The following NOVA1 variants were observed in gnomAD, a reference collection of about 807,000 sequenced individuals.
NOVA1 encodes the protein NOVA alternative splicing regulator 1, also known as RNA-binding protein Nova-1.
Under a neutral mutation model 38.0 loss-of-function variants are expected in NOVA1, and 7 were observed. The observed-to-expected ratio is 0.18, with a 90% CI of 0.10 to 0.35. NOVA1 has a LOEUF of 0.35. NOVA1 is among the 10% of genes least tolerant of loss of function. NOVA1 has a pLI of 1.00. For synonymous variants in NOVA1, 270 were observed against 232.5 expected (o/e 1.16, Z -1.47); for missense variants, 460 against 616.0 (o/e 0.75, Z 2.68).
At chr14:26,496,047 T>C (rs1442484208) in intron 2 of NOVA1, among the ~76,000 whole-genome samples, 3 of 143,452 alleles carry the variant, frequency 2.1e-5, no homozygotes, top group Admixed American at 7.3e-5. Context: ...GTATTTCTAG[T>C]TCTAGATCCC....
chr14:26,517,848 T>C (rs2138488174), intron 2 of NOVA1, among the ~76,000 whole-genome samples: 1 of 152,250 alleles, frequency 6.6e-6, no homozygotes, highest in South Asian at 2.1e-4. Flanking sequence ...TTACAAACTA[T>C]CAGTTTCCTC....
At chr14:26,552,682 A>C (rs529185347) in intron 2 of NOVA1, among the ~76,000 whole-genome samples, 1 of 152,314 alleles carries the variant, frequency 6.6e-6, no homozygotes, top group African/African-American at 2.4e-5. Context: ...CTTGAGAATC[A>C]TGTTAATGTA....
At chr14:26,460,501 G>C (rs1176413298) in intron 4 of NOVA1, among the ~76,000 whole-genome samples, 2 of 151,696 alleles carry the variant, frequency 1.3e-5, no homozygotes, top group Admixed American at 1.3e-4. Flanking sequence ...GTAATAAAAA[G>C]GAACGTTTTC....
chr14:26,534,018 T>C (rs908894075), intron 2 of NOVA1, among the ~76,000 whole-genome samples: 7 of 152,194 alleles, frequency 4.6e-5, no homozygotes, highest in Non-Finnish European at 1.5e-5. Flanking sequence ...AAGTATTCAA[T>C]ACTGAATATA....
At chr14:26,591,816 T>G (rs950460865) in intron 2 of NOVA1, among the ~76,000 whole-genome samples, 1 of 151,516 alleles carries the variant, frequency 6.6e-6, no homozygotes, top group Non-Finnish European at 1.5e-5. Flanking sequence ...TGGTTTGTGT[T>G]TTTTTTAAAA....
chr14:26,498,122 C>G (rs1288283584), intron 2 of NOVA1, among the ~76,000 whole-genome samples: 2 of 152,166 alleles, frequency 1.3e-5, no homozygotes, highest in South Asian at 2.1e-4. Flanking sequence ...TGTAGTGGTG[C>G]GATCTCAGCT....
rs937197033 is a variant in NOVA1 at position 26,445,334 on chromosome 14, G to A, written c.*2625C>T. 3 of 152,142 alleles carry A rather than the reference G, an allele frequency of 2.0e-5. No homozygotes were observed. Among genetic ancestry groups the A allele is most frequent in the Non-Finnish European group, 4.4e-5 (3 of 68,000 alleles). The allele number at this position is 152,142 out of a possible 1,614,324, so 9.4% of individuals were successfully genotyped here. A position where few individuals can be genotyped will look rare whatever the true frequency, so the allele number is the denominator to read the frequency against. On this transcript the variant is annotated 3_prime_UTR_variant, in exon 5 of 5. Transcript: ENST00000539517. ...TTCTACATGGTCTATAAATTTCAGA[G>A]AATAAATTTTTAAACAGCATGAAGC...
intron 4 of NOVA1, chr14:26,470,218 C>A: frequency 9.5e-7 from 1 of 1,053,302 alleles, no homozygotes; most frequent in East Asian, 3.6e-5. Flanking sequence ...AACCTATTTT[C>A]TTATCTTGGT....
rs948732484 is a variant in NOVA1 at position 26,447,608 on chromosome 14, G to A, written c.*351C>T. 14 of 250,278 alleles carry A rather than the reference G, an allele frequency of 5.6e-5. No homozygotes were observed. Among genetic ancestry groups the A allele is most frequent in the African/African-American group, 3.1e-4 (14 of 44,848 alleles). The allele number at this position is 250,278 out of a possible 1,614,324, so 15.5% of individuals were successfully genotyped here. A position where few individuals can be genotyped will look rare whatever the true frequency, so the allele number is the denominator to read the frequency against. On this transcript the variant is annotated 3_prime_UTR_variant, in exon 5 of 5. Coordinates refer to ENST00000539517, the MANE Select transcript of NOVA1 (RefSeq NM_002515.3). ...ACTCAACCTAACAGTAGTTAATTTA[G>A]TGTTATCTAGAACTAATACTGAAAA...
At chr14:26,596,658 C>T in intron 1 of NOVA1, 1 of 1,289,058 alleles carries the variant, frequency 7.8e-7, no homozygotes, top group South Asian at 1.2e-5. Flanking sequence ...ACTCATCTTC[C>T]AAGGAAGCGC....
intron 2 of NOVA1, among the ~76,000 whole-genome samples, chr14:26,525,780 C>T (rs1336285948): frequency 1.3e-5 from 2 of 152,052 alleles, no homozygotes; most frequent in African/African-American, 4.8e-5. Flanking sequence ...ATAAATATCT[C>T]CTGCATTGTT....
At chr14:26,525,472 AC>A (rs1441107531) in intron 2 of NOVA1, among the ~76,000 whole-genome samples, 42 of 152,126 alleles carry the variant, frequency 2.8e-4, no homozygotes, top group Non-Finnish European at 6.0e-4. Context: ...CTTAGTAAAA[AC>A]ACTTTTGTGT....
At chr14:26,568,126 T>C (rs1768431792) in intron 2 of NOVA1, among the ~76,000 whole-genome samples, 2 of 152,232 alleles carry the variant, frequency 1.3e-5, no homozygotes, top group Non-Finnish European at 1.5e-5. Context: ...AAACAGAAAA[T>C]GTTTTACAGT....
Position 26,553,873 on chromosome 14 carries a change from C to G in NOVA1, c.280+41537G>C, listed in dbSNP as rs143726199. ...TCATAGAAGGAGGACTAGGCCGGGCCAGGTGGCTCAAACCTGTAATCCCAG... is the reference window on the plus strand; with the variant it reads ...TCATAGAAGGAGGACTAGGCCGGGCGAGGTGGCTCAAACCTGTAATCCCAG... On this transcript the variant is annotated intron_variant, in intron 2 of 4. Transcript: ENST00000539517. Among the ~76,000 whole-genome samples the G allele has an allele frequency of 7.9e-5, 12 of 152,086 alleles. No individual in the cohort carries two copies. The East Asian group carries it at 2.3e-3, about 30-fold the overall frequency.
intron 2 of NOVA1, among the ~76,000 whole-genome samples, chr14:26,514,546 C>A (rs995493773): frequency 4.0e-5 from 6 of 151,708 alleles, no homozygotes; most frequent in African/African-American, 1.4e-4. Flanking sequence ...GTACGTAATG[C>A]TTAAGGTTCA....
intron 2 of NOVA1, among the ~76,000 whole-genome samples, chr14:26,483,669 A>T (rs1414151448): frequency 6.6e-6 from 1 of 152,228 alleles, no homozygotes; most frequent in Non-Finnish European, 1.5e-5. Flanking sequence ...AAAGTAGTTG[A>T]ACCTAAATCT....
rs2138550436 is a variant in NOVA1, at chr14:26,448,579, C to T, written c.904G>A (p.Ala302Thr). 1 of 1,614,194 alleles carries T rather than the reference C, an allele frequency of 6.2e-7. No individual in the cohort carries two copies. Among genetic ancestry groups the T allele is most frequent in the African/African-American group, 1.3e-5 (1 of 75,048 alleles). Residue 302 changes from alanine (A) to threonine (T), a missense_variant, in exon 5 of 5, where the codon GCA becomes ACA. Physicochemically the swap from Ala to Thr is moderately conservative, Grantham distance 58 (BLOSUM62 0). Coordinates refer to ENST00000539517, the MANE Select transcript of NOVA1 (RefSeq NM_002515.3). The surrounding 1 kb of genome is among the most constrained non-coding windows in gnomAD (Gnocchi z 5.3). ...TTGCCTGTGAAGCCAGATAAAACTG[C>T]TGGAAAGGCTGCAACGCCAGCAAGG... ...ANLAGVAAFP[A>T]VLSGFTGNDL... is the part of the protein sequence containing the mutation.
chr14:26,591,125 T>G (rs192703274), intron 2 of NOVA1, among the ~76,000 whole-genome samples: 1 of 151,816 alleles, frequency 6.6e-6, no homozygotes, highest in Admixed American at 6.6e-5. Context: ...TGTTAAGATT[T>G]CCTATTGCTT....
chr14:26,530,605 T>C (rs372804211), intron 2 of NOVA1, among the ~76,000 whole-genome samples: 154 of 152,264 alleles, frequency 1.0e-3, no homozygotes, highest in Admixed American at 1.6e-3. Flanking sequence ...CTACATCTAC[T>C]GTTCTTGAAC....
Sources: gnomAD v4.1 joint callset for allele counts (sites outside exome capture counted in the v4.1 genomes callset) on GRCh38, gnomAD v4.1.1 for gene constraint, Gnocchi (gnomAD v3.1) non-coding constraint, MANE v1.5 for transcripts, NCBI Gene and HGNC (gene_info 2026-07-23, HGNC 2026-07-21) for gene names.